KCNIP1: variants seen among roughly 807,000 people sequenced by gnomAD.
The protein encoded by KCNIP1 is potassium voltage-gated channel interacting protein 1.
KCNIP1 carries 18 observed loss-of-function variants against 33.0 expected under a neutral mutation model. That is an observed-to-expected ratio of 0.55 (90% CI 0.38 to 0.81). KCNIP1 has a LOEUF of 0.81. Ranked by LOEUF, KCNIP1 falls within the 30% of genes least tolerant of loss-of-function variation. The probability of loss-of-function intolerance (pLI) is 0.00; values close to 1 mark genes in which losing one functional copy is unlikely to be tolerated. For synonymous variants in KCNIP1, 93 were observed against 98.3 expected (o/e 0.95, Z 0.32); for missense variants, 238 against 271.6 (o/e 0.88, Z 0.87).
chr5:170,444,044 A>G (rs936069494), intron 1 of KCNIP1, among the ~76,000 whole-genome samples: 30 of 152,234 alleles, frequency 2.0e-4, no homozygotes, highest in Non-Finnish European at 4.4e-5. Flanking sequence ...AATTGACTTG[A>G]TTCATAACTT....
chr5:170,723,008 G>T (rs199789184), intron 5 of KCNIP1, among the ~76,000 whole-genome samples, 188 bp downstream of exon 5: 1 of 152,122 alleles, frequency 6.6e-6, no homozygotes, highest in East Asian at 1.9e-4. Context: ...GTTCCCAAGC[G>T]CCCAGAAAGG....
Position 170,685,581 on chromosome 5 carries a change from C to T in KCNIP1, c.62-33177C>T, listed in dbSNP as rs189307487. 7.2e-5 allele frequency among the ~76,000 whole-genome samples: 11 copies of T among 152,054 alleles called. No homozygotes were observed. The South Asian group carries it at 1.0e-3, about 14-fold the overall frequency. ...TCAGCTCACTGAAACCTCTGCCTCC[C>T]GGGTTTAAGCGATTCTACTGCCTCA... On this transcript the variant is annotated intron_variant, in intron 1 of 7. Transcript: ENST00000328939.
At position 170,671,099 on chromosome 5, in the gene KCNIP1, C is replaced by A. The variant is rs572560029; in HGVS notation, c.62-47659C>A. 9.9e-5 allele frequency among the ~76,000 whole-genome samples: 15 copies of A among 152,166 alleles called. No homozygotes were observed. The South Asian group carries it at 3.1e-3, about 32-fold the overall frequency. ...ACCCCACAATCTCTGTGTACCTTGT[C>A]CCCCATTCTGTTCTCTGCATTGCAG... is the stretch of plus-strand genomic sequence containing the variant. On this transcript the variant is annotated intron_variant, in intron 1 of 7. Transcript: ENST00000328939.
intron 1 of KCNIP1, among the ~76,000 whole-genome samples, chr5:170,547,603 T>G (rs1238962190): frequency 6.6e-6 from 1 of 152,218 alleles, no homozygotes; most frequent in Non-Finnish European, 1.5e-5. Flanking sequence ...TAGCTCACAC[T>G]TATAAGTGAG....
At chr5:170,618,869 C>G (rs1399280965) in intron 1 of KCNIP1, among the ~76,000 whole-genome samples, 1 of 152,130 alleles carries the variant, frequency 6.6e-6, no homozygotes, top group East Asian at 1.9e-4. Flanking sequence ...TTCTTTCCTT[C>G]TAATAGAAGG....
intron 1 of KCNIP1, among the ~76,000 whole-genome samples, chr5:170,623,317 T>C (rs2113649020): frequency 6.6e-6 from 1 of 152,024 alleles, no homozygotes; most frequent in South Asian, 2.1e-4. Context: ...GTTCAAGCCA[T>C]TCTCCTCCCT....
intron 1 of KCNIP1, among the ~76,000 whole-genome samples, chr5:170,401,256 C>T (rs956956747): frequency 1.3e-5 from 2 of 152,176 alleles, no homozygotes; most frequent in African/African-American, 2.4e-5. Flanking sequence ...TTTTTAATCC[C>T]CTTTTGTTAC....
chr5:170,727,727 A>G (rs1764058556), intron 5 of KCNIP1, among the ~76,000 whole-genome samples: 1 of 152,186 alleles, frequency 6.6e-6, no homozygotes, highest in Admixed American at 6.5e-5. Flanking sequence ...GGTTGAGCCC[A>G]GGAGTTCAAG....
intron 1 of KCNIP1, among the ~76,000 whole-genome samples, chr5:170,595,583 G>A (rs1264428966): frequency 3.3e-5 from 5 of 152,226 alleles, no homozygotes; most frequent in Admixed American, 2.6e-4. Context: ...ATGGCCTTGA[G>A]TGCGTAGGTT....
At chr5:170,646,550 G>A (rs542249477) in intron 1 of KCNIP1, among the ~76,000 whole-genome samples, 9 of 152,204 alleles carry the variant, frequency 5.9e-5, no homozygotes, top group African/African-American at 2.2e-4. Context: ...CCCCAGTTGT[G>A]ATTAAAACTC....
intron 1 of KCNIP1, among the ~76,000 whole-genome samples, chr5:170,609,087 C>T (rs1335921109): frequency 6.6e-6 from 1 of 152,098 alleles, no homozygotes; most frequent in East Asian, 1.9e-4. Flanking sequence ...GTGCTCTGGG[C>T]AGGAAAAAGG....
intron 1 of KCNIP1, chr5:170,681,072 T>C (rs1348581258): frequency 2.5e-6 from 1 of 399,606 alleles, no homozygotes; most frequent in East Asian, 3.6e-5. Context: ...TGTGAGGATG[T>C]GGGCAGAGGG....
chr5:170,717,065 C>T (rs570984828), intron 1 of KCNIP1, among the ~76,000 whole-genome samples: 2 of 152,282 alleles, frequency 1.3e-5, no homozygotes, highest in Admixed American at 6.5e-5. Context: ...GCAGCCCCTT[C>T]GGAAGTTTCT....
chr5:170,379,466 G>C (rs1764149332), intron 1 of KCNIP1, among the ~76,000 whole-genome samples: 1 of 152,180 alleles, frequency 6.6e-6, no homozygotes, highest in Non-Finnish European at 1.5e-5. Flanking sequence ...TATTGTCAGA[G>C]GGTGAAGCAG....
intron 1 of KCNIP1, among the ~76,000 whole-genome samples, chr5:170,669,857 A>C (rs1206413814): frequency 6.6e-6 from 1 of 152,226 alleles, no homozygotes; most frequent in Non-Finnish European, 1.5e-5. Context: ...AAGTTTTGAG[A>C]AAATATTACA....
chr5:170,357,730 G>A (rs1309516901), intron 1 of KCNIP1, among the ~76,000 whole-genome samples: 1 of 152,164 alleles, frequency 6.6e-6, no homozygotes, highest in African/African-American at 2.4e-5. Context: ...GTCTCACTAT[G>A]TTGCCCAGGT....
At chr5:170,555,586 G>C (rs1756816947) in intron 1 of KCNIP1, among the ~76,000 whole-genome samples, 1 of 152,160 alleles carries the variant, frequency 6.6e-6, no homozygotes, top group Non-Finnish European at 1.5e-5. Context: ...GGCTCAGGGA[G>C]AGCACACATG....
intron 1 of KCNIP1, among the ~76,000 whole-genome samples, chr5:170,511,569 G>T (rs1754931357): frequency 6.6e-6 from 1 of 152,216 alleles, no homozygotes; most frequent in African/African-American, 2.4e-5. Context: ...AGTGAGGTAT[G>T]AAAATGCAGG....
chr5:170,401,875 A>C (rs1313092247), intron 1 of KCNIP1, among the ~76,000 whole-genome samples: 2 of 152,182 alleles, frequency 1.3e-5, no homozygotes, highest in Non-Finnish European at 2.9e-5. Context: ...GACACAAATC[A>C]CTACAAACTG....
Sources: allele counts gnomAD v4.1 joint callset (sites outside exome capture counted in the v4.1 genomes callset), GRCh38; gene constraint gnomAD v4.1.1; transcripts MANE v1.5; gene names NCBI Gene and HGNC (gene_info 2026-07-23, HGNC 2026-07-21).